Variants in CDH23 observed in about 807,000 individuals in gnomAD.
CDH23 encodes cadherin related 23.
A neutral mutation model predicts 317.1 loss-of-function variants in CDH23; 189 were observed. That is an observed-to-expected ratio of 0.60 (90% CI 0.53 to 0.67). The LOEUF (loss-of-function observed/expected upper bound fraction) is 0.67. Among genes scored for constraint, CDH23 ranks in the 30% least tolerant of loss-of-function variants. The pLI is 0.00. For synonymous variants in CDH23, 1,839 were observed against 1,876.8 expected (o/e 0.98, Z 0.52); for missense variants, 4,401 against 4,592.4 (o/e 0.96, Z 1.20).
At position 71,682,354 on chromosome 10, in the gene CDH23, G is replaced by A; in HGVS notation, c.1859-91G>A. Reference sequence around the variant, plus strand: ...GCCAGAGCTGGCCCGGGCCATGCCAGCCATAACTTCTCTGCCCAAAGGGGA... The same window carrying A: ...GCCAGAGCTGGCCCGGGCCATGCCAACCATAACTTCTCTGCCCAAAGGGGA... On this transcript the variant is annotated intron_variant, in intron 17 of 69. Coordinates refer to ENST00000224721, the MANE Select transcript of CDH23 (RefSeq NM_022124.6). 1.8e-5 allele frequency: 27 copies of A among 1,524,246 alleles called. No individual in the cohort carries two copies. The South Asian group carries it at 2.9e-4, about 16-fold the overall frequency. 94.4% of individuals were successfully genotyped at this position (1,524,246 alleles called of 1,614,324 possible).
intron 16 of CDH23, among the ~76,000 whole-genome samples, chr10:71,679,132 C>T (rs1465432423): frequency 1.3e-5 from 2 of 152,144 alleles, no homozygotes; most frequent in African/African-American, 4.8e-5. Flanking sequence ...CACCTGCCCT[C>T]TAGATTCCCC....
At chr10:71,409,901 C>A (rs1848273303) in intron 1 of CDH23, among the ~76,000 whole-genome samples, 1 of 152,178 alleles carries the variant, frequency 6.6e-6, no homozygotes, top group African/African-American at 2.4e-5. Context: ...AAATGGGAAG[C>A]ATCTCTCCCT....
intron 9 of CDH23, among the ~76,000 whole-genome samples, chr10:71,581,501 T>C (rs1304149714): frequency 6.6e-6 from 1 of 152,210 alleles, no homozygotes; most frequent in African/African-American, 2.4e-5. Context: ...CTCCAGGCTG[T>C]TTATCAGCCC....
chr10:71,426,018 A>G (rs563998605), intron 1 of CDH23, among the ~76,000 whole-genome samples: 71 of 152,244 alleles, frequency 4.7e-4, no homozygotes, highest in African/African-American at 1.6e-3. Flanking sequence ...GAACCTTTCT[A>G]TTGACTGGGG....
intron 18 of CDH23, among the ~76,000 whole-genome samples, chr10:71,685,880 C>T (rs36051028): frequency 0.055 from 8,331 of 152,238 alleles, 298 homozygotes; most frequent in Non-Finnish European, 0.079. Context: ...CTCGGCTAAG[C>T]GGCCTCCTCC....
intron 9 of CDH23, among the ~76,000 whole-genome samples, chr10:71,583,037 G>A (rs1858751959): frequency 1.3e-5 from 2 of 152,166 alleles, no homozygotes; most frequent in Non-Finnish European, 2.9e-5. Context: ...CCTTGGGAGG[G>A]GGTGCCTCAT....
At chr10:71,485,031 T>A in intron 3 of CDH23, among the ~76,000 whole-genome samples, 1 of 149,138 alleles carries the variant, frequency 6.7e-6, no homozygotes, top group South Asian at 2.1e-4. Context: ...TTCTTTTTTT[T>A]TTTTTTTTTT....
At chr10:71,541,639 C>T (rs945183944) in intron 6 of CDH23, among the ~76,000 whole-genome samples, 2 of 152,232 alleles carry the variant, frequency 1.3e-5, no homozygotes, top group African/African-American at 4.8e-5. Context: ...CCACTCCTGG[C>T]TGCTCTGGGG....
intron 9 of CDH23, among the ~76,000 whole-genome samples, chr10:71,578,410 A>G (rs1182320558): frequency 6.6e-6 from 1 of 152,186 alleles, no homozygotes; most frequent in Non-Finnish European, 1.5e-5. Context: ...ATCATTTTAG[A>G]ACAAACGGAG....
intron 6 of CDH23, among the ~76,000 whole-genome samples, chr10:71,517,454 C>T (rs1165143463): frequency 6.6e-6 from 1 of 152,210 alleles, no homozygotes; most frequent in Non-Finnish European, 1.5e-5. Flanking sequence ...AACTTATTAG[C>T]ACCCACCGCA....
In CDH23 at chr10:71,626,579, C is replaced by T. The variant is rs191521411; in HGVS notation, c.1134+9186C>T. On this transcript the variant is annotated intron_variant, in intron 11 of 69. Coordinates refer to ENST00000224721, the MANE Select transcript of CDH23 (RefSeq NM_022124.6). ...CACCCCAGAGAGTGGGTGCAGCTGC[C>T]CTCAACTCTCCCCACCTGCTGGTGT... Among the ~76,000 whole-genome samples, 8 of 152,292 alleles carry T rather than the reference C, an allele frequency of 5.3e-5. No homozygotes were observed. In the East Asian group the frequency reaches 9.6e-4, roughly 18 times the overall value.
chr10:71,791,435 G>A (rs1841248501), intron 47 of CDH23, 100 bp downstream of exon 47: 7 of 971,722 alleles, frequency 7.2e-6, no homozygotes, highest in Non-Finnish European at 1.1e-5. Flanking sequence ...CCTCCAGTGG[G>A]GAGAAAGATG....
In CDH23 at chr10:71,732,203, T is replaced by C. The variant is rs2132825372; in HGVS notation, c.3932T>C (p.Val1311Ala). 3 of 1,613,850 alleles carry C rather than the reference T, an allele frequency of 1.9e-6. 1 individual carries two copies. Among genetic ancestry groups the C allele is most frequent in the African/African-American group, 2.7e-5 (2 of 75,054 alleles). Residue 1311 changes from valine to alanine, a missense_variant, in exon 32 of 70, where the codon GTG (valine) becomes GCG (alanine). This residue lies in a region of CDH23 where 3,068 missense variants were observed against 3,203.3 expected (regional missense o/e 0.96). Coordinates refer to ENST00000224721, the MANE Select transcript of CDH23 (RefSeq NM_022124.6). ...CTGCTCAACGAGCTGGACGAGGCCG[T>C]GCAGTTCTCCAATGCCTCATACGAG... is the stretch of plus-strand genomic sequence containing the variant. Reference protein sequence around the residue: ...ITLLNELDEAVQFSNASYEAA... With the variant: ...ITLLNELDEAAQFSNASYEAA...
intron 1 of CDH23, among the ~76,000 whole-genome samples, chr10:71,420,881 C>A (rs546589635): frequency 6.6e-6 from 1 of 152,116 alleles, no homozygotes; most frequent in South Asian, 2.1e-4. Flanking sequence ...CGGAAGGTAC[C>A]CCCCGTCGCC....
At chr10:71,789,992 G>A (rs973216902) in intron 45 of CDH23, among the ~76,000 whole-genome samples, 5 of 152,208 alleles carry the variant, frequency 3.3e-5, no homozygotes, top group African/African-American at 7.2e-5. Context: ...AGACCCTCCC[G>A]AGGAGCGGCC....
chr10:71,567,041 G>A lies in CDH23; in HGVS notation c.624+105G>A, dbSNP rs1028897746. On this transcript the variant is annotated intron_variant, in intron 7 of 69. Transcript: ENST00000224721. The stretch of plus-strand genomic sequence containing the variant: ...GACATTGACCCAGTGGCACACACTC[G>A]ATGATCTATAATAATTATAGTGGTG... 2.3e-5 allele frequency: 23 copies of A among 1,019,598 alleles called. No individual in the cohort carries two copies. In the East Asian group the frequency reaches 3.9e-4, roughly 17 times the overall value. The allele number at this position is 1,019,598 out of a possible 1,614,324, so 63.2% of individuals were successfully genotyped here. A position where few individuals can be genotyped will look rare whatever the true frequency, so the allele number is the denominator to read the frequency against.
At chr10:71,485,690 G>A (rs1355058904) in intron 3 of CDH23, among the ~76,000 whole-genome samples, 10 of 152,230 alleles carry the variant, frequency 6.6e-5, no homozygotes, top group Admixed American at 5.2e-4. Context: ...ACAGATTGGG[G>A]CTGTGTGGGC....
intron 42 of CDH23, 58 bp from the exon 43 acceptor site, chr10:71,784,833 C>G: frequency 7.0e-7 from 1 of 1,433,780 alleles, no homozygotes; most frequent in Non-Finnish European, 9.8e-7. Context: ...TCCTCGGTTG[C>G]CATGCACAAC....
chr10:71,454,933 G>C (rs1219507193), intron 3 of CDH23, among the ~76,000 whole-genome samples: 2 of 149,826 alleles, frequency 1.3e-5, no homozygotes, highest in African/African-American at 2.5e-5. Flanking sequence ...TCAAACTTCT[G>C]GACTCAAGTG....
Sources: gnomAD v4.1 joint callset for allele counts (sites outside exome capture counted in the v4.1 genomes callset) on GRCh38, gnomAD v4.1.1 for gene constraint, gnomAD v4.1.1 regional missense constraint, MANE v1.5 for transcripts, NCBI Gene and HGNC (gene_info 2026-07-23, HGNC 2026-07-21) for gene names.